GLUD1: variants seen among roughly 807,000 people sequenced by gnomAD.
GLUD1 encodes the protein glutamate dehydrogenase 1, mitochondrial.
A neutral mutation model predicts 56.0 loss-of-function variants in GLUD1; 22 were observed. The observed-to-expected ratio is 0.39, with a 90% CI of 0.28 to 0.56. GLUD1 has a LOEUF of 0.56. Ranked by LOEUF, GLUD1 falls within the 20% of genes least tolerant of loss-of-function variation. GLUD1 has a pLI of 0.58. For synonymous variants in GLUD1, 223 were observed against 269.9 expected, an observed-to-expected ratio of 0.83 and a Z score of 1.70; for missense variants, 451 against 732.0, an observed-to-expected ratio of 0.62 and a Z score of 4.43.
chr10:87,075,838 C>T (rs950834518), intron 3 of GLUD1, 130 bp downstream of exon 3: 13 of 717,310 alleles, frequency 1.8e-5, no homozygotes, highest in South Asian at 5.8e-5. Flanking sequence ...TGCTTGAACC[C>T]GGGAGGCGGA....
chr10:87,062,349 A>T (rs953942534), intron 6 of GLUD1, among the ~76,000 whole-genome samples: 1 of 152,260 alleles, frequency 6.6e-6, no homozygotes, highest in Non-Finnish European at 1.5e-5. Flanking sequence ...AAATTATGTT[A>T]AGAGACTTGC....
At chr10:87,089,345 A>T (rs1589385403) in intron 1 of GLUD1, among the ~76,000 whole-genome samples, 1 of 152,212 alleles carries the variant, frequency 6.6e-6, no homozygotes, top group Non-Finnish European at 1.5e-5. Flanking sequence ...TAGCTGTGTC[A>T]CCCTGCCAAA....
At position 87,073,019 on chromosome 10, in the gene GLUD1, T is replaced by C. The variant is rs377041795; in HGVS notation, c.646+1532A>G. ...CATCAAAGGCCCAAATGCCTTTTAT[T>C]ATCAAAGACAGGCCAAATCTAGTCA... is the stretch of plus-strand genomic sequence containing the variant. On this transcript the variant is annotated intron_variant, in intron 4 of 12. Coordinates refer to ENST00000277865, the MANE Select transcript of GLUD1 (RefSeq NM_005271.5). 3.3e-5 allele frequency among the ~76,000 whole-genome samples: 5 copies of C among 152,366 alleles called. No individual in the cohort carries two copies. The South Asian group carries it at 1.0e-3, about 32-fold the overall frequency.
intron 9 of GLUD1, 53 bp from the exon 10 acceptor site, chr10:87,059,326 C>T: frequency 6.3e-7 from 1 of 1,578,940 alleles, no homozygotes; most frequent in Non-Finnish European, 8.7e-7. Context: ...TTCGTAAAAG[C>T]TGAAAATGAA....
In GLUD1 at chr10:87,053,329, T is replaced by C. The variant is rs1845688409; in HGVS notation, c.1557+13A>G. The C allele has an allele frequency of 1.9e-6, 3 of 1,592,916 alleles. No individual in the cohort carries two copies. Among genetic ancestry groups the C allele is most frequent in the Non-Finnish European group, 8.6e-7 (1 of 1,160,770 alleles). ...GTGACTAGCTGGAAGGCAAACAGCA[T>C]CTGCACACATACCCTGGCAGAACGC... On this transcript the variant is annotated intron_variant, in intron 12 of 12. Transcript: ENST00000277865.
rs1377634890 is a variant in GLUD1 at position 87,094,701 on chromosome 10, G to A, written c.69C>T (p.Ser23=). ...AGCCCAGCAACGCGGCCGAGTCGGC[G>A]GACGCCGAGCCCAGGGCAGCGGGCC... ...RAGPAALGSA[S]ADSAALLGWA... is the part of the protein sequence containing the mutation. The change falls in exon 1 of 13, where the codon TCC becomes TCT. Residue 23 remains serine (S), a synonymous_variant. Transcript: ENST00000277865. The surrounding 1 kb of genome is among the most constrained non-coding windows in gnomAD (Gnocchi z 6.6). The A allele has an allele frequency of 6.7e-7, 1 of 1,498,170 alleles. No homozygotes were observed. Among genetic ancestry groups the A allele is most frequent in the Non-Finnish European group, 8.9e-7 (1 of 1,123,896 alleles). 92.8% of individuals were successfully genotyped at this position (1,498,170 alleles called of 1,614,324 possible).
Position 87,060,257 on chromosome 10 carries a change from G to A in GLUD1, c.1198-16C>T. The stretch of plus-strand genomic sequence containing the variant: ...CAGCAATGATCTGCAAGAGAGTCAG[G>A]AACATAGAGAAATGCGAACACCACC... On this transcript the variant is annotated splice_polypyrimidine_tract_variant and intron_variant, in intron 8 of 12. Transcript: ENST00000277865. 6.4e-7 allele frequency: 1 copy of A among 1,563,728 alleles called. No individual in the cohort carries two copies.
At chr10:87,060,388 C>T in intron 8 of GLUD1, 147 bp from the exon 9 acceptor site, 1 of 742,254 alleles carries the variant, frequency 1.3e-6, no homozygotes, top group East Asian at 2.5e-5. Context: ...TTTTCTCTGC[C>T]AAGTGTATAA....
At position 87,079,341 on chromosome 10, in the gene GLUD1, G is replaced by T. The variant is rs1179667924; in HGVS notation, c.446-2685C>A. 5.3e-5 allele frequency among the ~76,000 whole-genome samples: 8 copies of T among 151,880 alleles called. No homozygotes were observed. The East Asian group carries it at 1.5e-3, about 29-fold the overall frequency. On this transcript the variant is annotated intron_variant, in intron 1 of 12. Coordinates refer to ENST00000277865, the MANE Select transcript of GLUD1 (RefSeq NM_005271.5). ...TAGTCGAAGATGCTCAGGAGGCTGG[G>T]GCAGGAGAGTCACTTGAGCCCAGGA...
At chr10:87,062,115 A>C (rs1221731002) in intron 6 of GLUD1, among the ~76,000 whole-genome samples, 1 of 152,038 alleles carries the variant, frequency 6.6e-6, no homozygotes, top group East Asian at 1.9e-4. Context: ...ACAGGGTTTC[A>C]CCATGTTGGC....
At chr10:87,058,895 AAAG>A (rs908738119) in intron 10 of GLUD1, among the ~76,000 whole-genome samples, 1 of 152,226 alleles carries the variant, frequency 6.6e-6, no homozygotes, top group Non-Finnish European at 1.5e-5. Context: ...CCTCTCAAAA[AAAG>A]AAAAAAAAAA....
intron 12 of GLUD1, among the ~76,000 whole-genome samples, chr10:87,052,393 AAGG>A (rs1371729269): frequency 6.6e-6 from 1 of 151,956 alleles, no homozygotes; most frequent in Non-Finnish European, 1.5e-5. Context: ...GAGACTGAGG[AAGG>A]AGAATTGCTT....
At chr10:87,059,346 T>A (rs1845870311) in intron 9 of GLUD1, 73 bp from the exon 10 acceptor site, 2 of 1,382,128 alleles carry the variant, frequency 1.4e-6, no homozygotes, top group Non-Finnish European at 2.1e-6. Context: ...ACCTAAGACC[T>A]TAATTTCAAT....
intron 1 of GLUD1, among the ~76,000 whole-genome samples, chr10:87,078,359 C>T (rs1287182261): frequency 2.0e-5 from 3 of 152,220 alleles, no homozygotes; most frequent in Non-Finnish European, 2.9e-5. Context: ...CTCCCCTTGA[C>T]CACTGTATTT....
rs201421730 is a variant in GLUD1 at position 87,060,250 on chromosome 10, G to A, written c.1198-9C>T. The stretch of plus-strand genomic sequence containing the variant: ...GCACCTTCAGCAATGATCTGCAAGA[G>A]AGTCAGGAACATAGAGAAATGCGAA... On this transcript the variant is annotated splice_polypyrimidine_tract_variant and intron_variant, in intron 8 of 12. Coordinates refer to ENST00000277865, the MANE Select transcript of GLUD1 (RefSeq NM_005271.5). 5.0e-5 allele frequency: 80 copies of A among 1,589,036 alleles called. No homozygotes were observed. The South Asian group carries it at 8.5e-4, about 17-fold the overall frequency.
Position 87,051,859 on chromosome 10 carries a change from G to C in GLUD1, c.1569C>G (p.Arg523=). ...ATCCCAGGTTATACTTCATGGCTGT[G>C]CGCATAATTTGCTGAAATGAAAGAG... ...TMERSARQIM[R]TAMKYNLGLD... is the part of the protein sequence containing the mutation. Residue 523 remains arginine (R), a synonymous_variant, in exon 13 of 13, where the codon CGC becomes CGG. Coordinates refer to ENST00000277865, the MANE Select transcript of GLUD1 (RefSeq NM_005271.5). 2 of 1,614,174 alleles carry C rather than the reference G, an allele frequency of 1.2e-6. No individual in the cohort carries two copies. The highest frequency in any genetic ancestry group is 1.3e-5 in the African/African-American group (1 of 75,054).
At chr10:87,079,924 CTCCCCCTCTCCCTCTCCCTCTCCCCACGG>C (rs1210076696) in intron 1 of GLUD1, among the ~76,000 whole-genome samples, 8 of 127,702 alleles carry the variant, frequency 6.3e-5, no homozygotes, top group African/African-American at 2.2e-4. Context: ...CCCCCTCTCC[CTCCCCCTCTCCCTCTCCCTCTCCCCACGG>C]TCTCCCTCTC....
intron 1 of GLUD1, among the ~76,000 whole-genome samples, chr10:87,086,691 C>T (rs1841390188): frequency 4.0e-5 from 6 of 151,600 alleles, no homozygotes; most frequent in South Asian, 2.1e-4. Context: ...AATTAGCCAG[C>T]GTGGCGGTGG....
Position 87,060,195 on chromosome 10 carries a change from T to C in GLUD1, c.1244A>G (p.Lys415Arg), listed in dbSNP as rs1270821981. The C allele has an allele frequency of 6.2e-7, 1 of 1,610,672 alleles. No homozygotes were observed. Among genetic ancestry groups the C allele is most frequent in the Middle Eastern group, 1.7e-4 (1 of 6,060 alleles). ...ANGPTTPEAD[K>R]IFLERNIMVI... ...CATAATGTTTCTCTCCAGGAAGATCTTGTCAGCTTCTGGAGTTGTTGGCCC... is the reference window on the plus strand; with the variant it reads ...CATAATGTTTCTCTCCAGGAAGATCCTGTCAGCTTCTGGAGTTGTTGGCCC... The change falls in exon 9 of 13, where the codon AAG becomes AGG. Residue 415 changes from lysine (K) to arginine (R), a missense_variant. Transcript: ENST00000277865.
Sources: allele counts gnomAD v4.1 joint callset (sites outside exome capture counted in the v4.1 genomes callset), GRCh38; gene constraint gnomAD v4.1.1; non-coding constraint Gnocchi (gnomAD v3.1); transcripts MANE v1.5; gene names NCBI Gene and HGNC (gene_info 2026-07-23, HGNC 2026-07-21).